The following NCOA7 variants were observed in gnomAD, a reference collection of about 807,000 sequenced individuals.
The protein encoded by NCOA7 is 140 kDa estrogen receptor-associated protein.
A neutral mutation model predicts 104.3 loss-of-function variants in NCOA7; 45 were observed. That is an observed-to-expected ratio of 0.43 (90% CI 0.34 to 0.55). The LOEUF (loss-of-function observed/expected upper bound fraction) is 0.55. Among genes scored for constraint, NCOA7 ranks in the 20% least tolerant of loss-of-function variants. The probability of loss-of-function intolerance (pLI) is 0.02; values close to 1 mark genes in which losing one functional copy is unlikely to be tolerated. For synonymous variants in NCOA7, 398 were observed against 402.3 expected (o/e 0.99, Z 0.13); for missense variants, 1,041 against 1,119.7 (o/e 0.93, Z 1.00).
chr6:125,835,211 T>C (rs1779512498), intron 2 of NCOA7, among the ~76,000 whole-genome samples: 1 of 152,200 alleles, frequency 6.6e-6, no homozygotes, highest in Non-Finnish European at 1.5e-5. Context: ...CCATGTTATT[T>C]TCATGTGATA....
rs1583554257 is a variant in NCOA7 at position 125,920,972 on chromosome 6, G to A, written c.2274G>A (p.Arg758=). 1 of 1,613,692 alleles carries A rather than the reference G, an allele frequency of 6.2e-7. No homozygotes were observed. The highest frequency in any genetic ancestry group is 2.2e-5 in the East Asian group (1 of 44,854). ...EIITVEEAKR[R]KSTCSYYEDE... ...TCACTGTTGAAGAGGCAAAGCGCAG[G>A]AAGAGCACATGCAGCTACTATGAAG... Residue 758 remains arginine (R), a synonymous_variant, in exon 12 of 16, where the codon AGG becomes AGA. Transcript: ENST00000392477.
intron 10 of NCOA7, among the ~76,000 whole-genome samples, chr6:125,898,232 C>T (rs898512270): frequency 1.3e-5 from 2 of 152,178 alleles, no homozygotes; most frequent in Admixed American, 6.5e-5. Flanking sequence ...AAATCTTACT[C>T]ATTTTTAAAA....
At chr6:125,881,009 G>T in intron 5 of NCOA7, 81 bp from the exon 6 acceptor site, 3 of 912,596 alleles carry the variant, frequency 3.3e-6, no homozygotes, top group Non-Finnish European at 5.5e-6. Context: ...ATGATACTGT[G>T]TAGAGAATAA....
At chr6:125,913,235 A>G (rs1208708472) in intron 10 of NCOA7, among the ~76,000 whole-genome samples, 1 of 152,210 alleles carries the variant, frequency 6.6e-6, no homozygotes, top group Non-Finnish European at 1.5e-5. Flanking sequence ...TGAAATTTTC[A>G]GGACAGGCTG....
intron 11 of NCOA7, chr6:125,919,549 G>C: frequency 1.0e-6 from 1 of 1,003,292 alleles, no homozygotes; most frequent in Non-Finnish European, 1.5e-6. Context: ...ATTTCTACCA[G>C]CAGGTGTTTT....
intron 2 of NCOA7, among the ~76,000 whole-genome samples, chr6:125,824,328 G>A (rs919891662): frequency 1.3e-5 from 2 of 152,154 alleles, no homozygotes; most frequent in Admixed American, 6.5e-5. Context: ...CTATTGTGGT[G>A]AAACTTGGGA....
At chr6:125,794,295 GTT>G (rs751040254) in intron 1 of NCOA7, among the ~76,000 whole-genome samples, 71 of 152,070 alleles carry the variant, frequency 4.7e-4, no homozygotes, top group Non-Finnish European at 1.6e-4. Flanking sequence ...GTTTGTGTGT[GTT>G]CTTTTCATCA....
At chr6:125,823,979 A>AT (rs879770239) in intron 2 of NCOA7, among the ~76,000 whole-genome samples, 157 of 152,160 alleles carry the variant, frequency 1.0e-3, no homozygotes, top group Admixed American at 2.1e-3. Flanking sequence ...CACAGTTTAA[A>AT]TTTTTTTTAT....
chr6:125,835,831 G>T (rs1490739170), intron 2 of NCOA7, among the ~76,000 whole-genome samples: 1 of 152,202 alleles, frequency 6.6e-6, no homozygotes, highest in African/African-American at 2.4e-5. Context: ...GAAATCTACT[G>T]CAGTTTTCTG....
At chr6:125,888,099 G>A (rs6934080) in intron 8 of NCOA7, among the ~76,000 whole-genome samples, 55,463 of 151,734 alleles carry the variant, frequency 0.37, 11,975 homozygotes, top group African/African-American at 0.62. Context: ...ATGTAATTCC[G>A]ATCTGGGAAG....
At position 125,889,507 on chromosome 6, in the gene NCOA7, G is replaced by C. The variant is rs1222855571; in HGVS notation, c.1453G>C (p.Glu485Gln). ...TGAACTGAAGGGGGCGCTAGATTTA[G>C]AAACCTGTGAGAAGCAAGATATAAT... is the stretch of plus-strand genomic sequence containing the variant. Reference protein sequence around the residue: ...DVELKGALDLETCEKQDIMPE... With the variant: ...DVELKGALDLQTCEKQDIMPE... The change falls in exon 9 of 16, where the codon GAA becomes CAA. Residue 485 changes from glutamate (E) to glutamine (Q), a missense_variant. By Grantham distance (29) the Glu-to-Gln change is conservative. Transcript: ENST00000392477. The C allele has an allele frequency of 1.2e-6, 2 of 1,614,006 alleles. No homozygotes were observed. Among genetic ancestry groups the C allele is most frequent in the African/African-American group, 2.7e-5 (2 of 74,928 alleles).
At chr6:125,887,922 A>G (rs1276053280) in intron 8 of NCOA7, among the ~76,000 whole-genome samples, 1 of 152,020 alleles carries the variant, frequency 6.6e-6, no homozygotes, top group Non-Finnish European at 1.5e-5. Context: ...TACTATTTTT[A>G]TTTATTTTCA....
intron 11 of NCOA7, chr6:125,919,547 C>T (rs1027138588): frequency 1.1e-5 from 11 of 1,012,094 alleles, no homozygotes; most frequent in Non-Finnish European, 1.6e-5. Flanking sequence ...ACATTTCTAC[C>T]AGCAGGTGTT....
chr6:125,830,258 C>A (rs922759201), intron 2 of NCOA7, among the ~76,000 whole-genome samples: 15 of 152,278 alleles, frequency 9.9e-5, no homozygotes, highest in African/African-American at 3.6e-4. Context: ...ACATCATGAA[C>A]CTTTTCCAGG....
intron 2 of NCOA7, among the ~76,000 whole-genome samples, chr6:125,847,250 A>G (rs1468571236): frequency 1.3e-5 from 2 of 152,220 alleles, no homozygotes; most frequent in Non-Finnish European, 2.9e-5. Flanking sequence ...AGGACTAACT[A>G]TAGCTCTAGA....
At chr6:125,784,532 T>G (rs1423637305) in intron 1 of NCOA7, among the ~76,000 whole-genome samples, 1 of 152,238 alleles carries the variant, frequency 6.6e-6, no homozygotes, top group African/African-American at 2.4e-5. Context: ...AATGTACTCT[T>G]GGGCATTTAT....
chr6:125,842,898 A>G (rs1424465766), intron 2 of NCOA7, among the ~76,000 whole-genome samples: 5 of 152,136 alleles, frequency 3.3e-5, no homozygotes, highest in Non-Finnish European at 7.4e-5. Context: ...CCAGTAGTGA[A>G]TTTTTTCAAG....
At chr6:125,908,058 A>G (rs923099089) in intron 10 of NCOA7, among the ~76,000 whole-genome samples, 1 of 152,196 alleles carries the variant, frequency 6.6e-6, no homozygotes, top group Non-Finnish European at 1.5e-5. Flanking sequence ...GCTGCAAAAT[A>G]GTCCACTCTG....
intron 3 of NCOA7, among the ~76,000 whole-genome samples, chr6:125,869,851 A>G (rs535464347): frequency 6.6e-6 from 1 of 152,376 alleles, no homozygotes; most frequent in South Asian, 2.1e-4. Flanking sequence ...TCCCTCCAGA[A>G]GGAAAGTAGT....
Sources: allele counts gnomAD v4.1 joint callset (sites outside exome capture counted in the v4.1 genomes callset), GRCh38; gene constraint gnomAD v4.1.1; transcripts MANE v1.5; gene names NCBI Gene and HGNC (gene_info 2026-07-23, HGNC 2026-07-21).